CADM2: variants seen among roughly 807,000 people sequenced by gnomAD.
CADM2 encodes the protein cell adhesion molecule 2, also known as immunoglobulin superfamily member 4D.
CADM2 carries 12 observed loss-of-function variants against 49.8 expected under a neutral mutation model. The observed-to-expected ratio is 0.24, with a 90% CI of 0.15 to 0.39. The LOEUF is 0.39. Ranked by LOEUF, CADM2 falls within the 10% of genes least tolerant of loss-of-function variation. The pLI is 1.00. For synonymous variants in CADM2, 214 were observed against 175.4 expected (o/e 1.22, Z -1.74); for missense variants, 378 against 492.3 (o/e 0.77, Z 2.20).
At chr3:85,228,171 G>A (rs2042203640) in intron 1 of CADM2, among the ~76,000 whole-genome samples, 1 of 152,090 alleles carries the variant, frequency 6.6e-6, no homozygotes, top group African/African-American at 2.4e-5. Context: ...ATGTTGGCCT[G>A]CCTTGCTAGG....
rs368388958 is a variant in CADM2, at chr3:85,233,036, T to C, written c.61+273368T>C. Among the ~76,000 whole-genome samples the C allele has an allele frequency of 8.5e-5, 13 of 152,246 alleles. No individual in the cohort carries two copies. The East Asian group carries it at 1.4e-3, about 16-fold the overall frequency. ...GTATAAGCAAATGAGGTAATTCATA[T>C]AGTGGAATATTACTTATTTATAAGA... On this transcript the variant is annotated intron_variant, in intron 1 of 9. Transcript: ENST00000383699.
At chr3:85,147,728 A>C (rs1046780764) in intron 1 of CADM2, among the ~76,000 whole-genome samples, 1 of 152,154 alleles carries the variant, frequency 6.6e-6, no homozygotes, top group Admixed American at 6.5e-5. Context: ...TTTGTTCAGG[A>C]TGTTAAAAGA....
intron 8 of CADM2, among the ~76,000 whole-genome samples, chr3:86,027,599 A>G (rs1460574442): frequency 1.3e-5 from 2 of 152,098 alleles, no homozygotes; most frequent in East Asian, 3.9e-4. Flanking sequence ...AAAACGTTCT[A>G]TATGAGGCAT....
At chr3:85,416,241 A>T (rs9839731) in intron 1 of CADM2, among the ~76,000 whole-genome samples, 1 of 151,850 alleles carries the variant, frequency 6.6e-6, no homozygotes, top group African/African-American at 2.4e-5. Context: ...TAGTCTATTT[A>T]CAGTAAGGAC....
intron 1 of CADM2, among the ~76,000 whole-genome samples, chr3:85,369,919 C>G (rs1003857469): frequency 4.0e-5 from 6 of 151,486 alleles, no homozygotes; most frequent in African/African-American, 1.5e-4. Context: ...TAAATGAACC[C>G]AAATATGTTT....
chr3:85,905,217 G>T (rs13082138), intron 5 of CADM2, among the ~76,000 whole-genome samples: 48,676 of 151,932 alleles, frequency 0.32, 8,945 homozygotes, highest in East Asian at 0.42. Context: ...TACAATGGCT[G>T]TGGAAAATAG....
intron 2 of CADM2, among the ~76,000 whole-genome samples, chr3:85,759,415 A>G (rs956299855): frequency 1.3e-5 from 2 of 152,118 alleles, no homozygotes; most frequent in African/African-American, 4.8e-5. Flanking sequence ...ACGCAATGCA[A>G]CACAAACACA....
intron 1 of CADM2, among the ~76,000 whole-genome samples, chr3:85,130,647 T>G (rs2107608571): frequency 6.6e-6 from 1 of 152,294 alleles, no homozygotes; most frequent in South Asian, 2.1e-4. Flanking sequence ...TGAAAATAAT[T>G]TATTTTAGTC....
At chr3:85,422,419 A>G (rs1015848642) in intron 1 of CADM2, among the ~76,000 whole-genome samples, 3 of 151,970 alleles carry the variant, frequency 2.0e-5, no homozygotes, top group Non-Finnish European at 4.4e-5. Context: ...CTGGGACTGC[A>G]GGTGCCTGCC....
At chr3:85,509,216 C>A (rs2040498776) in intron 1 of CADM2, among the ~76,000 whole-genome samples, 2 of 152,076 alleles carry the variant, frequency 1.3e-5, no homozygotes, top group African/African-American at 4.8e-5. Context: ...CTATATCCAG[C>A]ATCCAAAAGC....
At chr3:85,769,590 G>GTATA (rs1324505244) in intron 2 of CADM2, among the ~76,000 whole-genome samples, 2,003 of 80,652 alleles carry the variant, frequency 0.025, 227 homozygotes, top group African/African-American at 0.062. Context: ...TACATATATA[G>GTATA]TATATACACA....
At chr3:85,983,500 G>A (rs1202903404) in intron 8 of CADM2, among the ~76,000 whole-genome samples, 1 of 151,624 alleles carries the variant, frequency 6.6e-6, no homozygotes, top group African/African-American at 2.4e-5. Context: ...GGTTTGACTT[G>A]AGAGTTATAT....
intron 1 of CADM2, among the ~76,000 whole-genome samples, chr3:85,369,354 C>A (rs1381421821): frequency 1.3e-5 from 2 of 152,108 alleles, no homozygotes; most frequent in Admixed American, 1.3e-4. Context: ...ATAATGAGGC[C>A]CGGTGCAGTG....
At chr3:85,039,669 T>A (rs535779411) in intron 1 of CADM2, among the ~76,000 whole-genome samples, 89 of 152,300 alleles carry the variant, frequency 5.8e-4, no homozygotes, top group African/African-American at 2.1e-3. Context: ...GAAAGAAAAT[T>A]ACAAAGGCAA....
intron 8 of CADM2, among the ~76,000 whole-genome samples, chr3:86,008,300 G>A (rs1577932643): frequency 6.6e-6 from 1 of 152,144 alleles, no homozygotes; most frequent in East Asian, 1.9e-4. Context: ...GTCTTTAGCA[G>A]TTACATAACC....
chr3:85,602,599 G>T (rs1205674544), intron 1 of CADM2, among the ~76,000 whole-genome samples: 2 of 151,514 alleles, frequency 1.3e-5, no homozygotes, highest in South Asian at 2.1e-4. Flanking sequence ...GTGGTTGCTG[G>T]GCATGTGATT....
intron 6 of CADM2, among the ~76,000 whole-genome samples, chr3:85,934,453 T>C (rs1720959983): frequency 1.3e-5 from 2 of 152,064 alleles, no homozygotes; most frequent in African/African-American, 4.8e-5. Flanking sequence ...GTATGATGAA[T>C]GTGTATCATA....
At chr3:85,478,386 T>A (rs1008705807) in intron 1 of CADM2, among the ~76,000 whole-genome samples, 9 of 151,952 alleles carry the variant, frequency 5.9e-5, no homozygotes, top group Admixed American at 3.9e-4. Context: ...TGATTTTTAT[T>A]TTTAAATATT....
At chr3:85,402,495 C>T (rs1026178560) in intron 1 of CADM2, among the ~76,000 whole-genome samples, 17 of 151,850 alleles carry the variant, frequency 1.1e-4, no homozygotes, top group East Asian at 9.7e-4. Flanking sequence ...GTATTGTTCT[C>T]CATATTTTAT....
Sources: allele counts gnomAD v4.1 joint callset (sites outside exome capture counted in the v4.1 genomes callset), GRCh38; gene constraint gnomAD v4.1.1; transcripts MANE v1.5; gene names NCBI Gene and HGNC (gene_info 2026-07-23, HGNC 2026-07-21).